Variants in ANKH observed in about 807,000 individuals in gnomAD.
The protein encoded by ANKH is ANKH inorganic pyrophosphate transport regulator.
In ANKH, 15 loss-of-function variants were observed where a neutral mutation model predicts 49.0. That is an observed-to-expected ratio of 0.31 (90% CI 0.20 to 0.47). ANKH has a LOEUF of 0.47. Ranked by LOEUF, ANKH falls within the 20% of genes least tolerant of loss-of-function variation. ANKH has a pLI of 1.00. For synonymous variants in ANKH, 273 were observed against 260.0 expected, an observed-to-expected ratio of 1.05 and a Z score of -0.48; for missense variants, 429 against 652.0, an observed-to-expected ratio of 0.66 and a Z score of 3.72.
Position 14,749,382 on chromosome 5 carries a change from T to C in ANKH, c.688-76A>G. ...GAAAAAACGATTCAGAATCAAAGCT[T>C]TTCCTTCGTATGTTAATCACAAGCC... is the stretch of plus-strand genomic sequence containing the variant. On this transcript the variant is annotated intron_variant, in intron 5 of 11. Transcript: ENST00000284268. 3 of 1,533,032 alleles carry C rather than the reference T, an allele frequency of 2.0e-6. No homozygotes were observed. In the South Asian group the frequency reaches 3.4e-5, roughly 17 times the overall value. 95.0% of individuals were successfully genotyped at this position (1,533,032 alleles called of 1,614,324 possible).
intron 1 of ANKH, among the ~76,000 whole-genome samples, chr5:14,793,493 C>T (rs1740271564): frequency 6.6e-6 from 1 of 152,064 alleles, no homozygotes; most frequent in Admixed American, 6.6e-5. Flanking sequence ...GACCACCGGA[C>T]ACCTGGTGGC....
chr5:14,722,156 C>T (rs539941774), intron 8 of ANKH, among the ~76,000 whole-genome samples: 36 of 152,214 alleles, frequency 2.4e-4, no homozygotes, highest in Middle Eastern at 6.8e-3. Flanking sequence ...CCAGAGTAGT[C>T]TCAACTCAGA....
At chr5:14,714,146 C>T (rs192213197) in intron 9 of ANKH, among the ~76,000 whole-genome samples, 182 of 152,344 alleles carry the variant, frequency 1.2e-3, no homozygotes, top group Non-Finnish European at 2.3e-3. Context: ...GGAAGCTGCT[C>T]GTCCCCACTT....
intron 1 of ANKH, among the ~76,000 whole-genome samples, chr5:14,862,001 C>T (rs978561902): frequency 6.6e-6 from 1 of 152,162 alleles, no homozygotes; most frequent in Non-Finnish European, 1.5e-5. Flanking sequence ...TTTGGGAGGC[C>T]AAGGCAGGTG....
intron 1 of ANKH, among the ~76,000 whole-genome samples, chr5:14,836,326 T>C (rs1741651552): frequency 6.6e-6 from 1 of 152,146 alleles, no homozygotes; most frequent in Non-Finnish European, 1.5e-5. Context: ...GGAAGTGAAA[T>C]TGTCCCTGTT....
chr5:14,857,330 T>C (rs183030883), intron 1 of ANKH, among the ~76,000 whole-genome samples: 2 of 152,204 alleles, frequency 1.3e-5, no homozygotes, highest in East Asian at 3.9e-4. Context: ...TTTTAAAAAA[T>C]GAAAGTCCAG....
intron 3 of ANKH, among the ~76,000 whole-genome samples, chr5:14,757,212 G>A (rs1738915306): frequency 6.6e-6 from 1 of 151,922 alleles, no homozygotes; most frequent in African/African-American, 2.4e-5. Flanking sequence ...TTCTCTAACT[G>A]GGCTACCACC....
intron 3 of ANKH, among the ~76,000 whole-genome samples, chr5:14,756,571 C>T (rs1738891461): frequency 6.6e-6 from 1 of 152,188 alleles, no homozygotes; most frequent in Admixed American, 6.5e-5. Context: ...TTTGGACTGA[C>T]ACAGAAATGA....
At chr5:14,778,726 C>G (rs1482579974) in intron 1 of ANKH, among the ~76,000 whole-genome samples, 1 of 152,230 alleles carries the variant, frequency 6.6e-6, no homozygotes, top group Non-Finnish European at 1.5e-5. Flanking sequence ...CATCACTTAA[C>G]CCCACTCTTG....
intron 2 of ANKH, among the ~76,000 whole-genome samples, chr5:14,763,122 A>C (rs1321245150): frequency 6.6e-6 from 1 of 152,230 alleles, no homozygotes; most frequent in Non-Finnish European, 1.5e-5. Context: ...GAGCTGTTGC[A>C]AACCATAAAA....
At chr5:14,734,084 A>G (rs1224446831) in intron 8 of ANKH, among the ~76,000 whole-genome samples, 1 of 152,202 alleles carries the variant, frequency 6.6e-6, no homozygotes, top group African/African-American at 2.4e-5. Flanking sequence ...ATTGCTAGAT[A>G]TGCGTTCTAA....
At chr5:14,717,636 C>A (rs1353635053) in intron 8 of ANKH, among the ~76,000 whole-genome samples, 1 of 152,198 alleles carries the variant, frequency 6.6e-6, no homozygotes, top group Non-Finnish European at 1.5e-5. Flanking sequence ...CCGAATTTGA[C>A]AGGAAACAGG....
intron 1 of ANKH, among the ~76,000 whole-genome samples, chr5:14,813,380 C>T (rs1049992387): frequency 6.6e-6 from 1 of 151,914 alleles, no homozygotes; most frequent in African/African-American, 2.4e-5. Flanking sequence ...AAAGTACTTG[C>T]AGATTATTAA....
At chr5:14,739,858 A>C (rs998867531) in intron 8 of ANKH, among the ~76,000 whole-genome samples, 6 of 152,254 alleles carry the variant, frequency 3.9e-5, no homozygotes, top group African/African-American at 1.4e-4. Context: ...TATTTCTAGA[A>C]GGTGAAAATT....
chr5:14,867,559 C>CT (rs564551663), intron 1 of ANKH, among the ~76,000 whole-genome samples: 4,465 of 147,792 alleles, frequency 0.03, 101 homozygotes, highest in Non-Finnish European at 0.045. Context: ...TTCCCATTTT[C>CT]TTTTTTTTTT....
chr5:14,757,169 CTT>C (rs1377454832), intron 3 of ANKH, among the ~76,000 whole-genome samples: 1 of 152,012 alleles, frequency 6.6e-6, no homozygotes, highest in East Asian at 1.9e-4. Flanking sequence ...GGCTTTGACT[CTT>C]TAGGGATGTC....
chr5:14,771,938 A>C (rs1215351508), intron 1 of ANKH, among the ~76,000 whole-genome samples: 25 of 128,990 alleles, frequency 1.9e-4, no homozygotes, highest in South Asian at 9.4e-4. Context: ...AAAAAAAAAA[A>C]AAAAAAAAAC....
Position 14,812,413 on chromosome 5 carries a change from C to G in ANKH, c.97-43222G>C, listed in dbSNP as rs573012162. On this transcript the variant is annotated intron_variant, in intron 1 of 11. Transcript: ENST00000284268. ...ACGAAACAGTCTCTCGTGAGGCTTCCTGATCTGGAAGCAGGTTTTGCATGG... is the reference window on the plus strand; with the variant it reads ...ACGAAACAGTCTCTCGTGAGGCTTCGTGATCTGGAAGCAGGTTTTGCATGG... Among the ~76,000 whole-genome samples, 10 of 152,240 alleles carry G rather than the reference C, an allele frequency of 6.6e-5. No homozygotes were observed. The East Asian group carries it at 1.7e-3, about 26-fold the overall frequency.
Position 14,706,778 on chromosome 5 carries a change from A to G in ANKH, c.*4419T>C, listed in dbSNP as rs1488539586. 1 of 152,228 alleles carries G rather than the reference A, an allele frequency of 6.6e-6. No individual in the cohort carries two copies. The highest frequency in any genetic ancestry group is 1.5e-5 in the Non-Finnish European group (1 of 68,052). The allele number at this position is 152,228 out of a possible 1,614,324, so 9.4% of individuals were successfully genotyped here. A position where few individuals can be genotyped will look rare whatever the true frequency, so the allele number is the denominator to read the frequency against. ...GTTTTTTGCTGCTTCAATGACAGAA[A>G]TAGAGATTCAAAATAACCACACAGA... On this transcript the variant is annotated 3_prime_UTR_variant, in exon 12 of 12. Coordinates refer to ENST00000284268, the MANE Select transcript of ANKH (RefSeq NM_054027.6).
Sources: gnomAD v4.1 joint callset for allele counts (sites outside exome capture counted in the v4.1 genomes callset) on GRCh38, gnomAD v4.1.1 for gene constraint, MANE v1.5 for transcripts, NCBI Gene and HGNC (gene_info 2026-07-23, HGNC 2026-07-21) for gene names.